The following ZNF589 variants were observed in gnomAD, a reference collection of about 807,000 sequenced individuals.
The protein encoded by ZNF589 is zinc finger protein 589.
Under a neutral mutation model 13.6 loss-of-function variants are expected in ZNF589, and 17 were observed. The ratio of observed to expected loss-of-function variants is 1.25; its 90% CI spans 0.86 to 1.88. The LOEUF is 1.88. Among genes scored for constraint, ZNF589 ranks in the 40% most tolerant of loss-of-function variants. ZNF589 has a pLI of 0.00. For missense variants in ZNF589, 407 were observed against 434.0 expected (o/e 0.94, Z 0.55); for synonymous variants, 148 against 161.6 (o/e 0.92, Z 0.64).
chr3:48,267,864 C>G, intron 3 of ZNF589, 51 bp from the exon 4 acceptor site: 6 of 1,521,836 alleles, frequency 3.9e-6, no homozygotes, highest in Non-Finnish European at 5.3e-6. Flanking sequence ...AAAACAAGAG[C>G]CCAGTCAGCC....
At position 48,268,642 on chromosome 3, in the gene ZNF589, A is replaced by G; in HGVS notation, c.951A>G (p.Pro317=). 6.2e-7 allele frequency: 1 copy of G among 1,613,950 alleles called. No individual in the cohort carries two copies. Among genetic ancestry groups the G allele is most frequent in the Non-Finnish European group, 8.5e-7 (1 of 1,179,996 alleles). ...SHCGRGFSCK[P]YLIRHQRTHT... Reference sequence around the variant, plus strand: ...GTGGGCGAGGCTTTAGCTGCAAGCCATACCTCATCAGACATCAGAGGACAC... The same window carrying G: ...GTGGGCGAGGCTTTAGCTGCAAGCCGTACCTCATCAGACATCAGAGGACAC... The change falls in exon 4 of 4, where the codon CCA becomes CCG. Residue 317 remains proline, a synonymous_variant. Transcript: ENST00000354698.
chr3:48,241,305 T>C, intron 1 of ZNF589, 91 bp downstream of exon 1: 1 of 1,515,558 alleles, frequency 6.6e-7, no homozygotes, highest in Non-Finnish European at 8.9e-7. Flanking sequence ...GGGATGCGCG[T>C]GGGGTGCGAG....
intron 1 of ZNF589, among the ~76,000 whole-genome samples, chr3:48,241,835 T>C (rs2033701945): frequency 6.6e-6 from 1 of 151,426 alleles, no homozygotes; most frequent in Non-Finnish European, 1.5e-5. Flanking sequence ...CGGAGTATAT[T>C]ATATTTTTAT....
At chr3:48,265,861 TATC>T (rs2034014078) in intron 3 of ZNF589, among the ~76,000 whole-genome samples, 2 of 152,216 alleles carry the variant, frequency 1.3e-5, no homozygotes, top group African/African-American at 4.8e-5. Context: ...TTATTATTAT[TATC>T]CTTAATAATA....
In ZNF589 at chr3:48,241,129, G is replaced by C; in HGVS notation, c.-43G>C. The C allele has an allele frequency of 6.2e-7, 1 of 1,611,954 alleles. No homozygotes were observed. The highest frequency in any genetic ancestry group is 8.5e-7 in the Non-Finnish European group (1 of 1,179,062). On this transcript the variant is annotated 5_prime_UTR_variant, in exon 1 of 4. Coordinates refer to ENST00000354698, the MANE Select transcript of ZNF589 (RefSeq NM_016089.3). ...GCGCATTCTAATCCGTTTCACACAC[G>C]GTGCTGCTACCTCGTTTGCTTCGTG... is the stretch of plus-strand genomic sequence containing the variant.
At chr3:48,249,670 A>G (rs1422853719) in intron 2 of ZNF589, among the ~76,000 whole-genome samples, 4 of 152,220 alleles carry the variant, frequency 2.6e-5, no homozygotes, top group Non-Finnish European at 4.4e-5. Context: ...TTTATGATTG[A>G]CATATAATGT....
intron 3 of ZNF589, among the ~76,000 whole-genome samples, chr3:48,262,555 G>A (rs142658941): frequency 3.6e-4 from 55 of 152,230 alleles, no homozygotes; most frequent in African/African-American, 1.3e-3. Context: ...TAGTGCTTCA[G>A]TATCATCCAA....
chr3:48,262,400 A>T (rs753897065), intron 3 of ZNF589, among the ~76,000 whole-genome samples: 13 of 152,138 alleles, frequency 8.5e-5, no homozygotes, highest in Admixed American at 3.3e-4. Context: ...CATGTTAGCC[A>T]GTCTGGTCTC....
At chr3:48,253,645 G>T (rs573354432) in intron 2 of ZNF589, among the ~76,000 whole-genome samples, 1 of 151,974 alleles carries the variant, frequency 6.6e-6, no homozygotes, top group South Asian at 2.1e-4. Context: ...GACTACAGGC[G>T]GCTGCCACCA....
In ZNF589 at chr3:48,241,169, C is replaced by T; in HGVS notation, c.-3C>T. 6.2e-7 allele frequency: 1 copy of T among 1,611,840 alleles called. No individual in the cohort carries two copies. The highest frequency in any genetic ancestry group is 8.5e-7 in the Non-Finnish European group (1 of 1,179,266). On this transcript the variant is annotated 5_prime_UTR_variant, in exon 1 of 4. Coordinates refer to ENST00000354698, the MANE Select transcript of ZNF589 (RefSeq NM_016089.3). ...TTTGCTTCGTGCGTGCGTGCGCGCG[C>T]AGATGTGGGCCCCGCGGGAGCAGCT...
intron 1 of ZNF589, among the ~76,000 whole-genome samples, chr3:48,243,116 G>A (rs146482140): frequency 6.6e-6 from 1 of 150,556 alleles, no homozygotes; most frequent in East Asian, 2.0e-4. Flanking sequence ...TCATTATTAT[G>A]AAATATTCTG....
At chr3:48,260,165 C>A (rs2033955280) in intron 2 of ZNF589, among the ~76,000 whole-genome samples, 1 of 152,110 alleles carries the variant, frequency 6.6e-6, no homozygotes, top group Non-Finnish European at 1.5e-5. Flanking sequence ...GAGACAGGGT[C>A]TCGCTCTGGT....
In ZNF589 at chr3:48,241,222, G is replaced by C. The variant is rs1342789676; in HGVS notation, c.43+8G>C. 1.2e-6 allele frequency: 2 copies of C among 1,611,080 alleles called. No homozygotes were observed. Among genetic ancestry groups the C allele is most frequent in the Non-Finnish European group, 1.7e-6 (2 of 1,179,382 alleles). On this transcript the variant is annotated splice_region_variant and intron_variant, in intron 1 of 3. Transcript: ENST00000354698. ...TGGGCTGGACTGCGGAAGGTGAGTC[G>C]GGGCCGCGAGATCGCCTCCCCCATT...
intron 1 of ZNF589, among the ~76,000 whole-genome samples, chr3:48,246,991 G>A (rs1049259119): frequency 6.6e-6 from 1 of 151,454 alleles, no homozygotes; most frequent in African/African-American, 2.4e-5. Context: ...AACTATTTTC[G>A]AGATGGAGTT....
At chr3:48,252,784 G>A (rs1004753281) in intron 2 of ZNF589, among the ~76,000 whole-genome samples, 1 of 151,006 alleles carries the variant, frequency 6.6e-6, no homozygotes, top group Admixed American at 6.6e-5. Flanking sequence ...CACCTTGCCC[G>A]GCTAATTTTT....
chr3:48,268,674 G>A lies in ZNF589; in HGVS notation c.983G>A (p.Arg328Lys). ...ATCAGACATCAGAGGACACACACAA[G>A]GGAGAAATCGTTTATGTGCACAGTG... ...YLIRHQRTHTREKSFMCTVCG... is the reference protein window; with the variant it reads ...YLIRHQRTHTKEKSFMCTVCG... The change falls in exon 4 of 4, where the codon AGG (arginine) becomes AAG (lysine). Residue 328 changes from arginine (R) to lysine (K), a missense_variant. Transcript: ENST00000354698. 2 of 1,613,594 alleles carry A rather than the reference G, an allele frequency of 1.2e-6. No homozygotes were observed. Among genetic ancestry groups the A allele is most frequent in the Non-Finnish European group, 1.7e-6 (2 of 1,179,920 alleles).
chr3:48,253,530 C>G (rs1396302653), intron 2 of ZNF589, among the ~76,000 whole-genome samples: 1 of 142,316 alleles, frequency 7.0e-6, no homozygotes, highest in Admixed American at 7.3e-5. Flanking sequence ...GACGGAGTCT[C>G]GCTCTGTCGC....
chr3:48,268,922 T>A lies in ZNF589; in HGVS notation c.*136T>A. ...TCTCCTCCTACACCAGTGGACACAT[T>A]CAGAGGTGAAACCTCACGTGTGTGA... On this transcript the variant is annotated 3_prime_UTR_variant, in exon 4 of 4. Transcript: ENST00000354698. 7.9e-7 allele frequency: 1 copy of A among 1,270,758 alleles called. No individual in the cohort carries two copies. Among genetic ancestry groups the A allele is most frequent in the Non-Finnish European group, 1.1e-6 (1 of 913,452 alleles). 78.7% of individuals were successfully genotyped at this position (1,270,758 alleles called of 1,614,324 possible).
chr3:48,267,388 A>ATT (rs2034029047), intron 3 of ZNF589, among the ~76,000 whole-genome samples: 1 of 152,134 alleles, frequency 6.6e-6, no homozygotes, highest in Admixed American at 6.5e-5. Flanking sequence ...TGCCTAACTA[A>ATT]TAAATAGAAG....
Sources: gnomAD v4.1 joint callset for allele counts (sites outside exome capture counted in the v4.1 genomes callset) on GRCh38, gnomAD v4.1.1 for gene constraint, MANE v1.5 for transcripts, NCBI Gene and HGNC (gene_info 2026-07-23, HGNC 2026-07-21) for gene names.